CSMD1: variants seen among roughly 807,000 people sequenced by gnomAD.
The protein encoded by CSMD1 is CUB and sushi domain-containing protein 1.
In CSMD1, 213 loss-of-function variants were observed where a neutral mutation model predicts 417.5. The observed-to-expected ratio is 0.51, with a 90% CI of 0.46 to 0.57. The LOEUF is 0.57. Ranked by LOEUF, CSMD1 falls within the 20% of genes least tolerant of loss-of-function variation. CSMD1 has a pLI of 0.00. For missense variants in CSMD1, 6,923 were observed against 4,529.7 expected (o/e 1.53, Z -15.17); for synonymous variants, 2,862 against 1,736.8 (o/e 1.65, Z -16.11).
intron 1 of CSMD1, among the ~76,000 whole-genome samples, chr8:4,984,210 A>G (rs993648091): frequency 1.3e-5 from 2 of 152,238 alleles, no homozygotes; most frequent in Non-Finnish European, 2.9e-5. Context: ...AAGAGTAACC[A>G]TCACAGGACT....
At chr8:4,403,356 G>T (rs577423152) in intron 3 of CSMD1, among the ~76,000 whole-genome samples, 6 of 152,054 alleles carry the variant, frequency 3.9e-5, no homozygotes, top group African/African-American at 1.2e-4. Flanking sequence ...TCCTTATAAG[G>T]AAGTCTCTAC....
At chr8:4,565,905 A>G (rs1798585431) in intron 2 of CSMD1, among the ~76,000 whole-genome samples, 1 of 151,374 alleles carries the variant, frequency 6.6e-6, no homozygotes, top group Non-Finnish European at 1.5e-5. Context: ...CCTCATAGAA[A>G]TAATGTTTTT....
At chr8:3,452,986 T>C (rs549455540) in intron 12 of CSMD1, among the ~76,000 whole-genome samples, 1 of 152,136 alleles carries the variant, frequency 6.6e-6, no homozygotes, top group Non-Finnish European at 1.5e-5. Flanking sequence ...TTATTGCCTC[T>C]ATTTCAGAGC....
intron 12 of CSMD1, among the ~76,000 whole-genome samples, chr8:3,444,724 T>C (rs1309884160): frequency 1.3e-5 from 2 of 152,190 alleles, no homozygotes; most frequent in South Asian, 4.1e-4. Flanking sequence ...GAATGTAATA[T>C]ATAAATGTAA....
At chr8:3,249,363 C>T (rs1800109408) in intron 26 of CSMD1, among the ~76,000 whole-genome samples, 1 of 152,108 alleles carries the variant, frequency 6.6e-6, no homozygotes, top group Non-Finnish European at 1.5e-5. Context: ...GCTGCGACTA[C>T]AGGCGCCCAC....
At chr8:4,760,911 A>C (rs1317455254) in intron 1 of CSMD1, among the ~76,000 whole-genome samples, 2 of 152,168 alleles carry the variant, frequency 1.3e-5, no homozygotes, top group East Asian at 3.9e-4. Context: ...AAGTTATGGT[A>C]GCATATCTTT....
At chr8:3,470,454 C>A (rs937362269) in intron 11 of CSMD1, among the ~76,000 whole-genome samples, 7 of 152,144 alleles carry the variant, frequency 4.6e-5, no homozygotes, top group Non-Finnish European at 2.9e-5. Flanking sequence ...TAACATCTTG[C>A]AAAACTATAA....
chr8:3,110,493 A>G (rs1585376045), intron 42 of CSMD1, among the ~76,000 whole-genome samples, 158 bp from the exon 43 acceptor site: 1 of 152,256 alleles, frequency 6.6e-6, no homozygotes, highest in Non-Finnish European at 1.5e-5. Context: ...TTACTGCCCT[A>G]AAATCTGAAG....
intron 1 of CSMD1, among the ~76,000 whole-genome samples, chr8:4,925,215 G>GT (rs10692207): frequency 0.11 from 8,280 of 72,378 alleles, 1,235 homozygotes; most frequent in African/African-American, 0.16. Flanking sequence ...CAGTTTTATG[G>GT]TTTTTTTTTT....
intron 8 of CSMD1, among the ~76,000 whole-genome samples, chr8:3,594,635 T>C (rs772683934): frequency 1.3e-5 from 2 of 152,190 alleles, no homozygotes; most frequent in Non-Finnish European, 2.9e-5. Context: ...CTTAGGTTTA[T>C]ACCCTCTGCC....
intron 8 of CSMD1, among the ~76,000 whole-genome samples, chr8:3,606,109 G>A (rs994348882): frequency 6.6e-5 from 10 of 152,172 alleles, no homozygotes; most frequent in Admixed American, 4.6e-4. Context: ...CGTTGAAATC[G>A]GGAAATGACA....
chr8:3,868,230 T>TG (rs5888996), intron 5 of CSMD1, among the ~76,000 whole-genome samples: 1 of 151,780 alleles, frequency 6.6e-6, no homozygotes, highest in Admixed American at 6.6e-5. Flanking sequence ...AGAACGAGGA[T>TG]GGGGGGGCAT....
chr8:4,621,317 CA>C (rs1373132192), intron 2 of CSMD1, among the ~76,000 whole-genome samples: 11 of 151,986 alleles, frequency 7.2e-5, no homozygotes, highest in Non-Finnish European at 1.5e-4. Flanking sequence ...CAAAGAAGGT[CA>C]GGTGTGGAAT....
At chr8:4,937,243 A>G (rs1426352546) in intron 1 of CSMD1, among the ~76,000 whole-genome samples, 2 of 151,576 alleles carry the variant, frequency 1.3e-5, no homozygotes, top group African/African-American at 4.8e-5. Context: ...ATTATTTTTT[A>G]TAAATATAAG....
chr8:4,257,512 T>A (rs1421566382), intron 3 of CSMD1, among the ~76,000 whole-genome samples: 1 of 152,228 alleles, frequency 6.6e-6, no homozygotes, highest in Admixed American at 6.5e-5. Context: ...TCCTAGCCCT[T>A]TTTCAATACA....
chr8:3,287,664 C>T (rs892089625), intron 25 of CSMD1, among the ~76,000 whole-genome samples: 1 of 152,168 alleles, frequency 6.6e-6, no homozygotes, highest in Non-Finnish European at 1.5e-5. Flanking sequence ...TATCCTGAGA[C>T]TTTGCTGAAG....
Position 3,449,623 on chromosome 8 carries a change from T to C in CSMD1, c.1561+19089A>G, listed in dbSNP as rs564366752. Reference sequence around the variant, plus strand: ...AACTCTGCCTCTTGGGTTCAAGCAATACTCCTGCCTCAGCCTCCCAAGTAG... The same window carrying C: ...AACTCTGCCTCTTGGGTTCAAGCAACACTCCTGCCTCAGCCTCCCAAGTAG... On this transcript the variant is annotated intron_variant, in intron 12 of 69. Transcript: ENST00000635120. Among the ~76,000 whole-genome samples, 5 of 152,058 alleles carry C rather than the reference T, an allele frequency of 3.3e-5. No homozygotes were observed. In the East Asian group the frequency reaches 9.7e-4, roughly 30 times the overall value.
chr8:4,946,270 A>T (rs891030427), intron 1 of CSMD1, among the ~76,000 whole-genome samples: 1 of 152,186 alleles, frequency 6.6e-6, no homozygotes, highest in East Asian at 1.9e-4. Flanking sequence ...GTCTTGTGAG[A>T]TGAAGAAAGC....
At chr8:4,472,575 T>A (rs888732582) in intron 2 of CSMD1, among the ~76,000 whole-genome samples, 2 of 152,100 alleles carry the variant, frequency 1.3e-5, no homozygotes, top group African/African-American at 2.4e-5. Context: ...TAGAAAGTTA[T>A]TCATCATCAC....
Sources: gnomAD v4.1 joint callset for allele counts (sites outside exome capture counted in the v4.1 genomes callset) on GRCh38, gnomAD v4.1.1 for gene constraint, MANE v1.5 for transcripts, NCBI Gene and HGNC (gene_info 2026-07-23, HGNC 2026-07-21) for gene names.